Variants in ARHGAP27 observed in about 807,000 individuals in gnomAD.
The protein encoded by ARHGAP27 is rho GTPase-activating protein 27.
In ARHGAP27, 53 loss-of-function variants were observed where a neutral mutation model predicts 102.0. The observed-to-expected ratio is 0.52, with a 90% CI of 0.42 to 0.65. The LOEUF (loss-of-function observed/expected upper bound fraction) is 0.65. Ranked by LOEUF, ARHGAP27 falls within the 30% of genes least tolerant of loss-of-function variation. ARHGAP27 has a pLI of 0.00. For synonymous variants in ARHGAP27, 525 were observed against 542.8 expected (o/e 0.97, Z 0.46); for missense variants, 1,117 against 1,256.2 (o/e 0.89, Z 1.68).
rs151133639 is a variant in ARHGAP27 at position 45,401,987 on chromosome 17, C to A, written c.1743+727G>T. 8.8e-3 allele frequency among the ~76,000 whole-genome samples: 1,336 copies of A among 152,306 alleles called. 22 individuals are homozygous for A. The highest frequency in any genetic ancestry group is 0.03 in the African/African-American group (1,266 of 41,566). On this transcript the variant is annotated intron_variant, in intron 12 of 19. Coordinates refer to ENST00000685559, the MANE Select transcript of ARHGAP27 (RefSeq NM_001282290.2). ...TGATCTGCCTCAAACCTTCTAGGTA[C>A]TGAGGTCAGGGTAAGAGTAGTTTAA... is the stretch of plus-strand genomic sequence containing the variant.
In ARHGAP27 at chr17:45,394,123, G is replaced by A. The variant is rs4763; in HGVS notation, c.*1333C>T. Reference sequence around the variant, plus strand: ...CCCAGAGCACAGCACCTGGCACAGAGGAGCAGACAATAAATACCGGCTGTG... The same window carrying A: ...CCCAGAGCACAGCACCTGGCACAGAAGAGCAGACAATAAATACCGGCTGTG... On this transcript the variant is annotated 3_prime_UTR_variant, in exon 20 of 20. Transcript: ENST00000685559. 20,071 of 152,736 alleles carry A rather than the reference G, an allele frequency of 0.13. 1,682 individuals carry two copies. The highest frequency in any genetic ancestry group is 0.24 in the Middle Eastern group (70 of 294). The allele number at this position is 152,736 out of a possible 1,614,324, so 9.5% of individuals were successfully genotyped here.
intron 9 of ARHGAP27, 55 bp downstream of exon 9, chr17:45,404,214 C>G (rs573384866): frequency 6.2e-7 from 1 of 1,612,254 alleles, no homozygotes; most frequent in African/African-American, 1.3e-5. Flanking sequence ...CGTGTCTCCA[C>G]TGAACCCTCC....
chr17:45,416,236 A>G (rs1369959109), intron 4 of ARHGAP27, among the ~76,000 whole-genome samples: 2 of 148,690 alleles, frequency 1.3e-5, no homozygotes, highest in African/African-American at 2.5e-5. Context: ...TTTTTTTTTT[A>G]GTAGAGACGG....
chr17:45,405,956 C>T lies in ARHGAP27; in HGVS notation c.785G>A (p.Arg262His), dbSNP rs1407111353. The T allele has an allele frequency of 5.2e-6, 8 of 1,535,816 alleles. No individual in the cohort carries two copies. Among genetic ancestry groups the T allele is most frequent in the African/African-American group, 1.4e-5 (1 of 73,080 alleles). ...WETHTDAGTG[R>H]PYYYNPDTGV... The stretch of plus-strand genomic sequence containing the variant: ...CGTGTCTGGGTTGTAGTAGTAGGGG[C>T]GCCCGGTGCCCGCGTCCGTGTGCGT... The change falls in exon 5 of 20, where the codon CGC (arginine) becomes CAC (histidine). Residue 262 changes from arginine (R) to histidine (H), a missense_variant. Physicochemically the swap from Arg to His is conservative, Grantham distance 29 (BLOSUM62 0). This residue lies in a region of ARHGAP27 where 610 missense variants were observed against 716.4 expected (regional missense o/e 0.85). Coordinates refer to ENST00000685559, the MANE Select transcript of ARHGAP27 (RefSeq NM_001282290.2).
intron 4 of ARHGAP27, among the ~76,000 whole-genome samples, chr17:45,414,977 G>GA (rs1405612882): frequency 6.7e-6 from 1 of 148,464 alleles, no homozygotes; most frequent in Non-Finnish European, 1.5e-5. Flanking sequence ...GCTGAAGCAG[G>GA]AGAACCACTT....
intron 4 of ARHGAP27, among the ~76,000 whole-genome samples, chr17:45,421,129 G>C (rs1308354972): frequency 2.3e-5 from 3 of 132,402 alleles, no homozygotes; most frequent in Non-Finnish European, 4.8e-5. Context: ...ATAAACTGGG[G>C]GGGACCCAGT....
At chr17:45,419,016 C>T (rs1373145906) in intron 4 of ARHGAP27, among the ~76,000 whole-genome samples, 2 of 152,168 alleles carry the variant, frequency 1.3e-5, no homozygotes, top group African/African-American at 2.4e-5. Flanking sequence ...TCCTGCAGCT[C>T]GACCCCAGCT....
chr17:45,429,522 G>A lies in ARHGAP27; in HGVS notation c.657+101C>T, dbSNP rs377571516. 1.4e-5 allele frequency: 21 copies of A among 1,532,832 alleles called. No individual in the cohort carries two copies. The African/African-American group carries it at 3.0e-4, about 22-fold the overall frequency. 95.0% of individuals were successfully genotyped at this position (1,532,832 alleles called of 1,614,324 possible). On this transcript the variant is annotated intron_variant, in intron 4 of 19. Coordinates refer to ENST00000685559, the MANE Select transcript of ARHGAP27 (RefSeq NM_001282290.2). ...GTCTTCGGACAGAGGTGGGCGTCGT[G>A]CCCGACGCTGAGCGGAGCGGGTCTC...
intron 4 of ARHGAP27, among the ~76,000 whole-genome samples, chr17:45,423,291 A>G (rs1291694933): frequency 1.3e-5 from 2 of 152,260 alleles, no homozygotes; most frequent in Non-Finnish European, 2.9e-5. Context: ...TTAAAAGTGG[A>G]GAGTTTACAC....
chr17:45,430,076 G>C lies in ARHGAP27; in HGVS notation c.204C>G (p.Pro68=). ...YLPAQYVREL[P]ALGNPAAAAP... ...CGGCGGCGGCAGGGTTGCCCAGCGCGGGCAGCTCGCGCACGTACTGCGCAG... is the reference window on the plus strand; with the variant it reads ...CGGCGGCGGCAGGGTTGCCCAGCGCCGGCAGCTCGCGCACGTACTGCGCAG... The change falls in exon 4 of 20, where the codon CCC becomes CCG. Residue 68 remains proline (P), a synonymous_variant. Transcript: ENST00000685559. The surrounding 1 kb of genome is among the most constrained non-coding windows in gnomAD (Gnocchi z 4.4). 2.9e-6 allele frequency: 4 copies of C among 1,380,768 alleles called. No homozygotes were observed. Among genetic ancestry groups the C allele is most frequent in the South Asian group, 1.6e-5 (1 of 63,538 alleles). 85.5% of individuals were successfully genotyped at this position (1,380,768 alleles called of 1,614,324 possible).
Position 45,429,752 on chromosome 17 carries a change from G to T in ARHGAP27, c.528C>A (p.Gly176=). 6.5e-7 allele frequency: 1 copy of T among 1,536,230 alleles called. No homozygotes were observed. The highest frequency in any genetic ancestry group is 1.4e-5 in the African/African-American group (1 of 71,864). Reference sequence around the variant, plus strand: ...CCGCCACGCTGCAGGCCTTGAAGCTGCCGCTGCTTCCTAGGAGGCCGGCGG... The same window carrying T: ...CCGCCACGCTGCAGGCCTTGAAGCTTCCGCTGCTTCCTAGGAGGCCGGCGG... ...SPPAGLLGSS[G]SFKACSVAGS... is the part of the protein sequence containing the mutation. Residue 176 remains glycine (G), a synonymous_variant, in exon 4 of 20, where the codon GGC becomes GGA. Coordinates refer to ENST00000685559, the MANE Select transcript of ARHGAP27 (RefSeq NM_001282290.2).
Position 45,429,855 on chromosome 17 carries a change from C to T in ARHGAP27, c.425G>A (p.Cys142Tyr), listed in dbSNP as rs763663038. Residue 142 changes from cysteine (C) to tyrosine (Y), a missense_variant, in exon 4 of 20, where the codon TGC becomes TAC. By Grantham distance (194) the Cys-to-Tyr change is radical. Transcript: ENST00000685559. The part of the protein sequence containing the change: ...RSSLAPGLPA[C>Y]LYLRPAAPVR... ...GGGCGCCGCGGGCCGCAGGTACAGG[C>T]AGGCTGGCAGGCCGGGCGCCAGGCT... 7.4e-6 allele frequency: 10 copies of T among 1,345,696 alleles called. No homozygotes were observed. The highest frequency in any genetic ancestry group is 4.9e-5 in the South Asian group (3 of 60,650). 83.4% of individuals were successfully genotyped at this position (1,345,696 alleles called of 1,614,324 possible). A position where few individuals can be genotyped will look rare whatever the true frequency, so the allele number is the denominator to read the frequency against.
Position 45,405,871 on chromosome 17 carries a change from G to A in ARHGAP27, c.870C>T (p.Thr290=), listed in dbSNP as rs2047100156. ...CGTGGCTGTCCACCGAGGCAGGGGA[G>A]GTGGCTGGGCTGGCGGCACCCTCGG... ...EAAEGAASPA[T]SPASVDSHVS... is the part of the protein sequence containing the mutation. Residue 290 remains threonine (T), a synonymous_variant, in exon 5 of 20, where the codon ACC becomes ACT. Coordinates refer to ENST00000685559, the MANE Select transcript of ARHGAP27 (RefSeq NM_001282290.2). 2.6e-6 allele frequency: 4 copies of A among 1,535,998 alleles called. No homozygotes were observed. In the African/African-American group the frequency reaches 4.1e-5, roughly 16 times the overall value.
At chr17:45,404,153 G>C (rs2046828363) in intron 9 of ARHGAP27, 57 bp from the exon 10 acceptor site, 9 of 1,609,836 alleles carry the variant, frequency 5.6e-6, no homozygotes, top group Non-Finnish European at 7.7e-6. Flanking sequence ...GTGAGCTATG[G>C]GGAGTAGAGG....
At chr17:45,429,382 G>C in intron 4 of ARHGAP27, 1 of 1,346,272 alleles carries the variant, frequency 7.4e-7, no homozygotes, top group Non-Finnish European at 9.5e-7. Context: ...CCACCAATTG[G>C]ATTACGAAAA....
chr17:45,414,612 ATT>A (rs34746481), intron 4 of ARHGAP27, among the ~76,000 whole-genome samples: 73 of 130,286 alleles, frequency 5.6e-4, no homozygotes, highest in South Asian at 7.5e-4. Flanking sequence ...CGCCCGGCTA[ATT>A]TTTTTTTTTT....
At chr17:45,429,466 T>A (rs2049884917) in intron 4 of ARHGAP27, 157 bp downstream of exon 4, 1 of 1,473,996 alleles carries the variant, frequency 6.8e-7, no homozygotes, top group Admixed American at 2.6e-5. Flanking sequence ...CCCCTCACGT[T>A]TCGCGGTTGG....
In ARHGAP27 at chr17:45,405,666, T is replaced by C. The variant is rs779009914; in HGVS notation, c.1065+10A>G. On this transcript the variant is annotated intron_variant, in intron 5 of 19. Transcript: ENST00000685559. ...GAGGTAGAACCGCCCACTCTGGCCC[T>C]GCCCCTCACCCGCGGGTCCCCTGGG... 2 of 1,576,274 alleles carry C rather than the reference T, an allele frequency of 1.3e-6. No individual in the cohort carries two copies. The highest frequency in any genetic ancestry group is 2.2e-5 in the East Asian group (1 of 44,654).
intron 2 of ARHGAP27, 139 bp from the exon 3 acceptor site, chr17:45,431,891 A>G (rs556978436): frequency 2.2e-5 from 4 of 185,330 alleles, no homozygotes; most frequent in African/African-American, 9.6e-5. Context: ...CGAGGCCCAG[A>G]GCAGAAGGCC....
Sources: allele counts gnomAD v4.1 joint callset (sites outside exome capture counted in the v4.1 genomes callset), GRCh38; gene constraint gnomAD v4.1.1; regional missense constraint gnomAD v4.1.1; non-coding constraint Gnocchi (gnomAD v3.1); transcripts MANE v1.5; gene names NCBI Gene and HGNC (gene_info 2026-07-23, HGNC 2026-07-21).